The following PTPRN2 variants were observed in gnomAD, a reference collection of about 807,000 sequenced individuals.
PTPRN2 encodes the protein protein tyrosine phosphatase receptor type N2.
A neutral mutation model predicts 118.8 loss-of-function variants in PTPRN2; 74 were observed. That is an observed-to-expected ratio of 0.62 (90% CI 0.52 to 0.76). The LOEUF (loss-of-function observed/expected upper bound fraction) is 0.76. PTPRN2 is among the 30% of genes least tolerant of loss of function. The probability of loss-of-function intolerance (pLI) is 0.00; values close to 1 mark genes in which losing one functional copy is unlikely to be tolerated. For synonymous variants in PTPRN2, 641 were observed against 608.0 expected, an observed-to-expected ratio of 1.05 and a Z score of -0.80; for missense variants, 1,481 against 1,394.4, an observed-to-expected ratio of 1.06 and a Z score of -0.99.
intron 12 of PTPRN2, among the ~76,000 whole-genome samples, chr7:157,894,317 TTTCTGTGG>T (rs1245796922): frequency 3.0e-4 from 46 of 152,126 alleles, no homozygotes; most frequent in African/African-American, 1.0e-3. Flanking sequence ...GTTTGGCATC[TTTCTGTGG>T]ATCCAAGTGT....
rs188617453 is a variant in PTPRN2, at chr7:158,097,966, G to A, written c.1643+12863C>T. Reference sequence around the variant, plus strand: ...AGAACATGCTCTGACAGGCAGCACCGCGTGGCCGTGTCTCCCGCCTGTCAG... The same window carrying A: ...AGAACATGCTCTGACAGGCAGCACCACGTGGCCGTGTCTCCCGCCTGTCAG... On this transcript the variant is annotated intron_variant, in intron 10 of 22. Transcript: ENST00000389418. Among the ~76,000 whole-genome samples the A allele has an allele frequency of 3.5e-3, 532 of 152,246 alleles. 10 individuals are homozygous for A. Among genetic ancestry groups the A allele is most frequent in the East Asian group, 3.1e-3 (16 of 5,174 alleles).
chr7:158,244,991 C>T (rs1796125712), intron 3 of PTPRN2, among the ~76,000 whole-genome samples: 1 of 152,220 alleles, frequency 6.6e-6, no homozygotes, highest in African/African-American at 2.4e-5. Flanking sequence ...GCCCCTGCTC[C>T]CTGGCTGTGT....
Position 158,438,594 on chromosome 7 carries a change from C to T in PTPRN2, c.163+51141G>A, listed in dbSNP as rs146483370. The stretch of plus-strand genomic sequence containing the variant: ...GTTGTTCCCCACAGGAAATCTGATC[C>T]GATGCAAACAGATCATTATAGCCAA... On this transcript the variant is annotated intron_variant, in intron 2 of 22. Transcript: ENST00000389418. The surrounding 1 kb of genome is among the most constrained non-coding windows in gnomAD (Gnocchi z 4.7). Among the ~76,000 whole-genome samples the T allele has an allele frequency of 2.1e-4, 32 of 152,182 alleles. No homozygotes were observed. The highest frequency in any genetic ancestry group is 3.4e-3 in the Middle Eastern group (1 of 294).
At chr7:158,222,202 C>T (rs554744790) in intron 3 of PTPRN2, among the ~76,000 whole-genome samples, 4 of 152,228 alleles carry the variant, frequency 2.6e-5, no homozygotes, top group East Asian at 1.9e-4. Context: ...AACTACCATT[C>T]GACCCAGCAA....
At chr7:158,013,859 C>G (rs1410353049) in intron 11 of PTPRN2, among the ~76,000 whole-genome samples, 1 of 111,718 alleles carries the variant, frequency 9.0e-6, no homozygotes, top group Non-Finnish European at 1.9e-5. Flanking sequence ...CACCCACCCA[C>G]TCACCCACCC....
rs1668588660 is a variant in PTPRN2, at chr7:157,548,956, A to C, written c.2966T>G (p.Val989Gly). 6.2e-7 allele frequency: 1 copy of C among 1,614,010 alleles called. No individual in the cohort carries two copies. Among genetic ancestry groups the C allele is most frequent in the Non-Finnish European group, 8.5e-7 (1 of 1,180,004 alleles). Residue 989 changes from valine (V) to glycine (G), a missense_variant, in exon 22 of 23, where the codon GTC (valine) becomes GGC (glycine). Physicochemically the swap from Val to Gly is moderately radical, Grantham distance 109 (BLOSUM62 -3). This residue lies in a region of PTPRN2 where 362 missense variants were observed against 384.1 expected (regional missense o/e 0.94). Coordinates refer to ENST00000389418, the MANE Select transcript of PTPRN2 (RefSeq NM_002847.5). ...EHLRDQRPGM[V>G]QTKEQFEFAL... ...AGAGACTGACAGTACCTTCGTCTGGACCATGCCGGGTCTCTGGTCCCTCAA... is the reference window on the plus strand; with the variant it reads ...AGAGACTGACAGTACCTTCGTCTGGCCCATGCCGGGTCTCTGGTCCCTCAA...
intron 11 of PTPRN2, among the ~76,000 whole-genome samples, chr7:158,012,647 G>T (rs1806134485): frequency 6.6e-6 from 1 of 152,180 alleles, no homozygotes; most frequent in Non-Finnish European, 1.5e-5. Context: ...GCAGGTCGGG[G>T]CTAATATGGG....
chr7:157,727,102 A>G (rs1799645595), intron 12 of PTPRN2, among the ~76,000 whole-genome samples: 1 of 152,200 alleles, frequency 6.6e-6, no homozygotes, highest in African/African-American at 2.4e-5. Context: ...TGGAATTCCC[A>G]TAGGAGCCGG....
intron 12 of PTPRN2, among the ~76,000 whole-genome samples, chr7:157,753,759 C>T (rs570768133): frequency 2.0e-5 from 3 of 152,324 alleles, no homozygotes; most frequent in South Asian, 2.1e-4. Context: ...CTTCCCAGAT[C>T]GTGGCATGCG....
chr7:158,354,406 T>C (rs1200878587), intron 2 of PTPRN2, among the ~76,000 whole-genome samples: 1 of 151,874 alleles, frequency 6.6e-6, no homozygotes, highest in South Asian at 2.1e-4. Context: ...ATTTGTGAGC[T>C]CTCATCAAGA....
chr7:158,087,969 G>A (rs1364606410), intron 10 of PTPRN2, among the ~76,000 whole-genome samples: 3 of 113,656 alleles, frequency 2.6e-5, no homozygotes, highest in Non-Finnish European at 5.7e-5. Flanking sequence ...TTCTTCCCCT[G>A]ATGAAAGAGG....
intron 2 of PTPRN2, among the ~76,000 whole-genome samples, chr7:158,317,386 T>C (rs1489983301): frequency 1.3e-5 from 2 of 152,360 alleles, no homozygotes; most frequent in African/African-American, 2.4e-5. Flanking sequence ...CGCCTCTCCC[T>C]GGGCTGCGTG....
At chr7:158,061,888 G>C (rs760893485) in intron 11 of PTPRN2, among the ~76,000 whole-genome samples, 3 of 152,248 alleles carry the variant, frequency 2.0e-5, no homozygotes, top group African/African-American at 4.8e-5. Flanking sequence ...GAGCAAAAAT[G>C]GCAGCTAATA....
intron 3 of PTPRN2, among the ~76,000 whole-genome samples, chr7:158,245,084 A>G (rs897035379): frequency 6.6e-6 from 1 of 152,248 alleles, no homozygotes; most frequent in African/African-American, 2.4e-5. Flanking sequence ...CCAGCCCTGC[A>G]TCTGCAGCGT....
At chr7:158,578,889 A>G (rs113838469) in intron 1 of PTPRN2, among the ~76,000 whole-genome samples, 1,597 of 152,088 alleles carry the variant, frequency 0.011, 25 homozygotes, top group African/African-American at 0.036. Flanking sequence ...CAGCCCCCCA[A>G]GTAGCTGGGA....
intron 2 of PTPRN2, among the ~76,000 whole-genome samples, chr7:158,324,956 G>A (rs552005700): frequency 6.6e-6 from 1 of 152,344 alleles, no homozygotes; most frequent in African/African-American, 2.4e-5. Flanking sequence ...TAGGAGAAAT[G>A]GCCCAGAGAC....
intron 12 of PTPRN2, among the ~76,000 whole-genome samples, chr7:157,835,975 A>G (rs1807905736): frequency 6.6e-6 from 1 of 152,244 alleles, no homozygotes; most frequent in Non-Finnish European, 1.5e-5. Context: ...AAGCAACGTT[A>G]GACACAGACA....
intron 2 of PTPRN2, among the ~76,000 whole-genome samples, chr7:158,341,497 C>CACCTGCAG (rs1806775522): frequency 1.4e-5 from 2 of 146,500 alleles, no homozygotes; most frequent in African/African-American, 2.6e-5. Flanking sequence ...TAATTGGTGA[C>CACCTGCAG]ACGTGCAGAC....
At chr7:157,741,816 T>C (rs2150963390) in intron 12 of PTPRN2, among the ~76,000 whole-genome samples, 1 of 152,326 alleles carries the variant, frequency 6.6e-6, no homozygotes, top group South Asian at 2.1e-4. Flanking sequence ...GCTCTTCATG[T>C]CCCCGGCATT....
Sources: gnomAD v4.1 joint callset for allele counts (sites outside exome capture counted in the v4.1 genomes callset) on GRCh38, gnomAD v4.1.1 for gene constraint, gnomAD v4.1.1 regional missense constraint, Gnocchi (gnomAD v3.1) non-coding constraint, MANE v1.5 for transcripts, NCBI Gene and HGNC (gene_info 2026-07-23, HGNC 2026-07-21) for gene names.